SPACA3: variants seen among roughly 807,000 people sequenced by gnomAD.
SPACA3 encodes sperm acrosome associated 3, also known as sperm acrosome membrane-associated protein 3.
In SPACA3, 21 loss-of-function variants were observed where a neutral mutation model predicts 24.5. That is an observed-to-expected ratio of 0.86 (90% CI 0.61 to 1.24). The LOEUF (loss-of-function observed/expected upper bound fraction) is 1.24, where lower values mean the gene tolerates loss of function less well. SPACA3 is among the 50% of genes most tolerant of loss of function. The probability of loss-of-function intolerance (pLI) is 0.00; values close to 1 mark genes in which losing one functional copy is unlikely to be tolerated. For missense variants in SPACA3, 278 were observed against 275.5 expected (o/e 1.01, Z -0.06); for synonymous variants, 115 against 106.9 (o/e 1.08, Z -0.47).
intron 1 of SPACA3, among the ~76,000 whole-genome samples, chr17:32,994,015 C>T (rs1369014744): frequency 1.3e-5 from 2 of 152,030 alleles, no homozygotes; most frequent in East Asian, 3.9e-4. Context: ...GTGAGCAGGG[C>T]TAAGGCAGAA....
Position 32,997,874 on chromosome 17 carries a change from T to G in SPACA3, c.*96T>G. 1 of 1,270,584 alleles carries G rather than the reference T, an allele frequency of 7.9e-7. No homozygotes were observed. Among genetic ancestry groups the G allele is most frequent in the Non-Finnish European group, 1.1e-6 (1 of 872,510 alleles). The allele number at this position is 1,270,584 out of a possible 1,614,324, so 78.7% of individuals were successfully genotyped here. ...CCAGCGAATAAAGGATGGTTGAACG[T>G]GAATATGGCTCTCAGCTCTCAGTGT... On this transcript the variant is annotated 3_prime_UTR_variant, in exon 5 of 5. Transcript: ENST00000269053.
In SPACA3 at chr17:32,995,631, A is replaced by C. The variant is rs764101884; in HGVS notation, c.257A>C (p.Glu86Ala). 4.3e-6 allele frequency: 7 copies of C among 1,614,206 alleles called. No homozygotes were observed. The highest frequency in any genetic ancestry group is 5.9e-6 in the Non-Finnish European group (7 of 1,180,046). ...CTCAGCTGCCTGCTACCCTCCAGTG[A>C]GGCCAAGCTCTACGGTCGTTGTGAA... The part of the protein sequence containing the change: ...CLLSCLLPSS[E>A]AKLYGRCELA... Residue 86 changes from glutamate (E) to alanine (A), a missense_variant, in exon 2 of 5, where the codon GAG (glutamate) becomes GCG (alanine). Transcript: ENST00000269053.
intron 2 of SPACA3, among the ~76,000 whole-genome samples, chr17:32,996,287 G>C (rs544363108): frequency 6.6e-6 from 1 of 152,086 alleles, no homozygotes; most frequent in Non-Finnish European, 1.5e-5. Context: ...TCAGGAGTTC[G>C]AGACCAGCCA....
intron 1 of SPACA3, among the ~76,000 whole-genome samples, chr17:32,993,948 T>C (rs11870189): frequency 0.56 from 85,009 of 151,654 alleles, 24,718 homozygotes; most frequent in African/African-American, 0.72. Flanking sequence ...GGAGGCCCCG[T>C]ACCCAAACAA....
At chr17:32,995,902 C>G (rs1330421413) in intron 2 of SPACA3, among the ~76,000 whole-genome samples, 185 bp downstream of exon 2, 1 of 152,198 alleles carries the variant, frequency 6.6e-6, no homozygotes, top group East Asian at 1.9e-4. Context: ...AGTAGGCAGG[C>G]AGCAGGCAAC....
chr17:32,993,416 T>C (rs1229220942), intron 1 of SPACA3, among the ~76,000 whole-genome samples: 1 of 152,060 alleles, frequency 6.6e-6, no homozygotes, highest in Non-Finnish European at 1.5e-5. Context: ...TTAGAAAGCA[T>C]ATCAGCGTTT....
chr17:32,993,157 A>C (rs542564658), intron 1 of SPACA3, among the ~76,000 whole-genome samples: 2 of 152,330 alleles, frequency 1.3e-5, no homozygotes, highest in East Asian at 3.9e-4. Flanking sequence ...GTGGCCCATC[A>C]TGTTTTAAAG....
chr17:32,997,501 G>A lies in SPACA3; in HGVS notation c.559G>A (p.Glu187Lys). 1 of 1,614,040 alleles carries A rather than the reference G, an allele frequency of 6.2e-7. No homozygotes were observed. Among genetic ancestry groups the A allele is most frequent in the Non-Finnish European group, 8.5e-7 (1 of 1,179,954 alleles). Residue 187 changes from glutamate to lysine, a missense_variant, in exon 4 of 5, where the codon GAG becomes AAG. Transcript: ENST00000269053. The part of the protein sequence containing the change: ...TVICAMKITQ[E>K]PQGLGYWEAW... Reference sequence around the variant, plus strand: ...TATCTGTGCCATGAAGATAACCCAAGAGCCTCAGGGTCTGGGTTACTGGTA... The same window carrying A: ...TATCTGTGCCATGAAGATAACCCAAAAGCCTCAGGGTCTGGGTTACTGGTA...
intron 1 of SPACA3, 106 bp from the exon 2 acceptor site, chr17:32,995,302 GC>G: frequency 9.5e-7 from 1 of 1,053,698 alleles, no homozygotes; most frequent in Non-Finnish European, 1.4e-6. Flanking sequence ...AAGGAGAGGG[GC>G]TGGTCTCGGG....
rs376224282 is a variant in SPACA3 at position 32,997,312 on chromosome 17, A to AGTGTGT, written c.503-106_503-101dup. The AGTGTGT allele has an allele frequency of 7.7e-3, 3,936 of 508,568 alleles. 90 individuals are homozygous for AGTGTGT. Among genetic ancestry groups the AGTGTGT allele is most frequent in the African/African-American group, 0.069 (2,964 of 42,720 alleles). 31.5% of individuals were successfully genotyped at this position (508,568 alleles called of 1,614,324 possible). The stretch of plus-strand genomic sequence containing the variant: ...GACAGGATTGGATTTAGGCGAGTGG[A>AGTGTGT]GTGTGTGTGTGTGTGTGTGTGTGTG... On this transcript the variant is annotated intron_variant, in intron 3 of 4. Coordinates refer to ENST00000269053, the MANE Select transcript of SPACA3 (RefSeq NM_173847.5).
In SPACA3 at chr17:32,996,949, G is replaced by T. The variant is rs1296518433; in HGVS notation, c.450G>T (p.Trp150Cys). The T allele has an allele frequency of 1.2e-6, 2 of 1,604,076 alleles. No individual in the cohort carries two copies. The highest frequency in any genetic ancestry group is 1.3e-5 in the African/African-American group (1 of 74,610). Residue 150 changes from tryptophan (W) to cysteine (C), a missense_variant, in exon 3 of 5, where the codon TGG (tryptophan) becomes TGT (cysteine). Transcript: ENST00000269053. ...TCTTCCAGATCAACAGCCGGAGGTG[G>T]TGCAGCAACCTCACCCCGAACGTCC... ...NGIFQINSRR[W>C]CSNLTPNVPN...
chr17:32,993,151 C>A, intron 1 of SPACA3: 2 of 350,548 alleles, frequency 5.7e-6, no homozygotes, highest in Non-Finnish European at 1.2e-5. Flanking sequence ...AAATGTGTGG[C>A]CCATCATGTT....
At position 32,997,371 on chromosome 17, in the gene SPACA3, A is replaced by C. The variant is rs1346718332; in HGVS notation, c.503-74A>C. The C allele has an allele frequency of 2.3e-5, 26 of 1,128,070 alleles. No homozygotes were observed. In the Admixed American group the frequency reaches 4.6e-4, roughly 20 times the overall value. The allele number at this position is 1,128,070 out of a possible 1,614,324, so 69.9% of individuals were successfully genotyped here. A position where few individuals can be genotyped will look rare whatever the true frequency, so the allele number is the denominator to read the frequency against. On this transcript the variant is annotated intron_variant, in intron 3 of 4. Coordinates refer to ENST00000269053, the MANE Select transcript of SPACA3 (RefSeq NM_173847.5). ...GAGAGAGAGAGAGAGACAGACAGAT[A>C]CACACTCACACACACACACACACAC...
chr17:32,997,764 G>T lies in SPACA3; in HGVS notation c.634G>T (p.Gly212Cys). ...AAAAGACCTCACTGAATGGGTGGAT[G>T]GCTGTGACTTCTAGGATGGACGGAA... ...QGKDLTEWVDGCDF is the reference protein window; with the variant it reads ...QGKDLTEWVDCCDF Residue 212 changes from glycine (G) to cysteine (C), a missense_variant, in exon 5 of 5, where the codon GGC (glycine) becomes TGC (cysteine). Transcript: ENST00000269053. 6.2e-7 allele frequency: 1 copy of T among 1,614,236 alleles called. No homozygotes were observed. Among genetic ancestry groups the T allele is most frequent in the Non-Finnish European group, 8.5e-7 (1 of 1,180,040 alleles).
In SPACA3 at chr17:32,997,704, A is replaced by G; in HGVS notation, c.582-8A>G. ...TTATCTCTCCTCTTCCCTGTTCTCC[A>G]TCCTCAGGGAGGCCTGGAGGCATCA... is the stretch of plus-strand genomic sequence containing the variant. On this transcript the variant is annotated splice_region_variant and splice_polypyrimidine_tract_variant and intron_variant, in intron 4 of 4. Coordinates refer to ENST00000269053, the MANE Select transcript of SPACA3 (RefSeq NM_173847.5). 6.2e-7 allele frequency: 1 copy of G among 1,613,776 alleles called. No homozygotes were observed.
At position 32,995,461 on chromosome 17, in the gene SPACA3, G is replaced by C; in HGVS notation, c.87G>C (p.Leu29=). 1 of 1,613,426 alleles carries C rather than the reference G, an allele frequency of 6.2e-7. No individual in the cohort carries two copies. Among genetic ancestry groups the C allele is most frequent in the Non-Finnish European group, 8.5e-7 (1 of 1,179,424 alleles). The change falls in exon 2 of 5, where the codon CTG becomes CTC. Residue 29 remains leucine, a synonymous_variant. Transcript: ENST00000269053. ...CTTCTGTGAGTGGACCACGGAGGCT[G>C]GTGAGCTGCCTGTCATCCCAAAGCT... ...SSPSVSGPRR[L]VSCLSSQSSA...
intron 2 of SPACA3, among the ~76,000 whole-genome samples, chr17:32,995,954 C>T (rs971200727): frequency 3.9e-5 from 6 of 152,154 alleles, no homozygotes. Flanking sequence ...CTGCTAAAGT[C>T]GGGGTCAAAG....
rs1598225587 is a variant in SPACA3, at chr17:32,997,779, G to A, written c.*1G>A. 2.5e-6 allele frequency: 4 copies of A among 1,614,166 alleles called. No homozygotes were observed. The highest frequency in any genetic ancestry group is 3.4e-6 in the Non-Finnish European group (4 of 1,180,030). ...ATGGGTGGATGGCTGTGACTTCTAG[G>A]ATGGACGGAACCATGCACAGCAGGC... On this transcript the variant is annotated 3_prime_UTR_variant, in exon 5 of 5. Transcript: ENST00000269053.
Position 32,997,527 on chromosome 17 carries a change from A to G in SPACA3, c.581+4A>G. On this transcript the variant is annotated splice_donor_region_variant and intron_variant, in intron 4 of 4. Transcript: ENST00000269053. ...AGCCTCAGGGTCTGGGTTACTGGTA[A>G]GTAACTTGGGCTGGAGCCCCGCAGC... The G allele has an allele frequency of 6.2e-7, 1 of 1,613,610 alleles. No individual in the cohort carries two copies. Among genetic ancestry groups the G allele is most frequent in the South Asian group, 1.1e-5 (1 of 91,046 alleles).
Sources: gnomAD v4.1 joint callset for allele counts (sites outside exome capture counted in the v4.1 genomes callset) on GRCh38, gnomAD v4.1.1 for gene constraint, MANE v1.5 for transcripts, NCBI Gene and HGNC (gene_info 2026-07-23, HGNC 2026-07-21) for gene names.